RGS5: variants seen among roughly 807,000 people sequenced by gnomAD.
RGS5 encodes the protein regulator of G-protein signalling 5.
In RGS5, 20 loss-of-function variants were observed where a neutral mutation model predicts 18.9. The ratio of observed to expected loss-of-function variants is 1.06; its 90% CI spans 0.74 to 1.54. The LOEUF (loss-of-function observed/expected upper bound fraction) is 1.54. Ranked by LOEUF, RGS5 falls within the 40% of genes most tolerant of loss-of-function variation. The pLI is 0.00. For synonymous variants in RGS5, 57 were observed against 76.2 expected (o/e 0.75, Z 1.31); for missense variants, 201 against 211.8 (o/e 0.95, Z 0.32).
At chr1:163,203,128 C>T (rs1450468531), upstream of RGS5, 2 of 339,928 alleles carry the variant, frequency 5.9e-6, no homozygotes, top group African/African-American at 4.2e-5. Context: ...GCTAACCGGC[C>T]AGGGCAGGGT....
intron 2 of RGS5, among the ~76,000 whole-genome samples, chr1:163,236,830 A>G (rs527973068): frequency 1.3e-5 from 2 of 152,136 alleles, no homozygotes; most frequent in South Asian, 2.1e-4. Flanking sequence ...GCATGGTGGC[A>G]CATGCCTGTA....
chr1:163,197,894 C>T (rs1381755420), intron 1 of RGS5, among the ~76,000 whole-genome samples: 1 of 152,124 alleles, frequency 6.6e-6, no homozygotes, highest in Admixed American at 6.6e-5. Flanking sequence ...AGCTAATTGC[C>T]AGTCTTTAAT....
intron 2 of RGS5, chr1:163,244,636 T>A (rs912664925): frequency 1.3e-5 from 2 of 152,172 alleles, no homozygotes; most frequent in Non-Finnish European, 2.9e-5. Context: ...GGTAATTTGT[T>A]TGCAACTCTG....
At chr1:163,215,820 C>A (rs1341281409) in intron 1 of RGS5, among the ~76,000 whole-genome samples, 1 of 151,936 alleles carries the variant, frequency 6.6e-6, no homozygotes, top group Non-Finnish European at 1.5e-5. Context: ...ATCCCAGCAC[C>A]GTGGAAGGTC....
intron 2 of RGS5, among the ~76,000 whole-genome samples, chr1:163,233,213 G>A (rs767624591): frequency 1.8e-4 from 28 of 152,192 alleles, no homozygotes; most frequent in Non-Finnish European, 3.8e-4. Context: ...ATCATATCAG[G>A]AGGTACATGA....
Position 163,161,978 on chromosome 1 carries a change from T to C in RGS5, c.156-2A>G. ...TGCAGGGCCTCGTCCAGCGAGGTTC[T>C]ACATCAATAATAAGGAGAGAAAAGG... On this transcript the variant is annotated splice_acceptor_variant, in intron 2 of 4. Transcript: ENST00000313961. LOFTEE classifies it high-confidence loss of function. The C allele has an allele frequency of 6.2e-7, 1 of 1,611,874 alleles. No homozygotes were observed. Among genetic ancestry groups the C allele is most frequent in the Non-Finnish European group, 8.5e-7 (1 of 1,178,068 alleles).
At chr1:163,183,270 C>T (rs1169055226) in intron 1 of RGS5, among the ~76,000 whole-genome samples, 1 of 152,204 alleles carries the variant, frequency 6.6e-6, no homozygotes, top group Non-Finnish European at 1.5e-5. Context: ...CTTATTATTC[C>T]CAAGATTTCT....
rs1345920307 is a variant in RGS5 at position 163,144,111 on chromosome 1, A to C, written c.*3231T>G. 2 of 152,162 alleles carry C rather than the reference A, an allele frequency of 1.3e-5. No homozygotes were observed. The highest frequency in any genetic ancestry group is 2.9e-5 in the Non-Finnish European group (2 of 68,024). The allele number at this position is 152,162 out of a possible 1,614,324, so 9.4% of individuals were successfully genotyped here. On this transcript the variant is annotated 3_prime_UTR_variant, in exon 5 of 5. Transcript: ENST00000313961. The stretch of plus-strand genomic sequence containing the variant: ...ACGGGGTATGGAGAGTAGGGCACAA[A>C]ATGTTTCCATACATTTGACTTTATT...
At chr1:163,194,128 C>T (rs570802862) in intron 1 of RGS5, among the ~76,000 whole-genome samples, 1 of 152,222 alleles carries the variant, frequency 6.6e-6, no homozygotes. Context: ...CACCCTTTTT[C>T]TTCATAGAAT....
chr1:163,152,471 G>A, intron 4 of RGS5, 79 bp downstream of exon 4: 3 of 1,435,948 alleles, frequency 2.1e-6, no homozygotes, highest in Non-Finnish European at 1.9e-6. Context: ...CTCCCAACGG[G>A]AGGTCTGTGT....
chr1:163,205,515 G>T (rs1659933509), upstream of RGS5, among the ~76,000 whole-genome samples: 1 of 152,088 alleles, frequency 6.6e-6, no homozygotes, highest in African/African-American at 2.4e-5. Context: ...AAGAAAAAGA[G>T]AAACAAGCCA....
intron 2 of RGS5, among the ~76,000 whole-genome samples, chr1:163,278,215 TG>T (rs1648905196): frequency 6.6e-6 from 1 of 152,098 alleles, no homozygotes; most frequent in South Asian, 2.1e-4. Context: ...AGGCACATTA[TG>T]GTCAAAAGTC....
upstream of RGS5, among the ~76,000 whole-genome samples, chr1:163,219,120 C>T (rs1223817083): frequency 3.9e-5 from 4 of 103,762 alleles, no homozygotes; most frequent in East Asian, 8.8e-4. Flanking sequence ...TACTCTTTAT[C>T]GAGGTGTAAA....
At chr1:163,261,838 GTTATT>G (rs1648445308) in intron 2 of RGS5, among the ~76,000 whole-genome samples, 1 of 152,026 alleles carries the variant, frequency 6.6e-6, no homozygotes, top group African/African-American at 2.4e-5. Flanking sequence ...ATTTCAAAAT[GTTATT>G]TTATTATATT....
intron 2 of RGS5, among the ~76,000 whole-genome samples, chr1:163,263,865 C>T (rs1648512517): frequency 6.6e-6 from 1 of 150,990 alleles, no homozygotes; most frequent in Non-Finnish European, 1.5e-5. Flanking sequence ...ATACTAGATG[C>T]TCCATGCCTT....
chr1:163,149,224 G>A (rs2841996), intron 4 of RGS5, among the ~76,000 whole-genome samples: 122,484 of 152,196 alleles, frequency 0.8, 49,872 homozygotes, highest in African/African-American at 0.91. Context: ...GAAGACCTCA[G>A]AGAGGTCAGG....
chr1:163,316,499 G>A (rs983091734), intron 1 of RGS5, among the ~76,000 whole-genome samples: 1 of 151,694 alleles, frequency 6.6e-6, no homozygotes, highest in African/African-American at 2.4e-5. Context: ...AATCAATAAC[G>A]TAATGTGGTG....
chr1:163,286,542 A>G (rs1010559995), intron 2 of RGS5, among the ~76,000 whole-genome samples: 1 of 151,854 alleles, frequency 6.6e-6, no homozygotes, highest in Non-Finnish European at 1.5e-5. Context: ...TTATAAAATG[A>G]TTATCTCCCT....
chr1:163,248,766 T>C (rs1453189736), intron 2 of RGS5: 1 of 152,186 alleles, frequency 6.6e-6, no homozygotes. Context: ...TAAAACAAAA[T>C]ACAAAGCTTC....
Sources: allele counts gnomAD v4.1 joint callset (sites outside exome capture counted in the v4.1 genomes callset), GRCh38; gene constraint gnomAD v4.1.1; transcripts MANE v1.5; gene names NCBI Gene and HGNC (gene_info 2026-07-23, HGNC 2026-07-21).